The following METTL4 variants were observed in gnomAD, a reference collection of about 807,000 sequenced individuals.
METTL4 encodes N(6)-adenine-specific methyltransferase METTL4.
Under a neutral mutation model 54.0 loss-of-function variants are expected in METTL4, and 40 were observed. That is an observed-to-expected ratio of 0.74 (90% CI 0.58 to 0.96). METTL4 has a LOEUF of 0.96. Among genes scored for constraint, METTL4 ranks in the 50% least tolerant of loss-of-function variants. METTL4 has a pLI of 0.00. For missense variants in METTL4, 525 were observed against 549.0 expected (o/e 0.96, Z 0.44); for synonymous variants, 169 against 183.8 (o/e 0.92, Z 0.65).
Position 2,538,497 on chromosome 18 carries a change from CCAA to C in METTL4, c.*500_*502del, listed in dbSNP as rs1328051695. 2.0e-5 allele frequency: 3 copies of C among 153,488 alleles called. No homozygotes were observed. The highest frequency in any genetic ancestry group is 4.3e-5 in the Non-Finnish European group (3 of 69,008). The allele number at this position is 153,488 out of a possible 1,614,324, so 9.5% of individuals were successfully genotyped here. A position where few individuals can be genotyped will look rare whatever the true frequency, so the allele number is the denominator to read the frequency against. On this transcript the variant is annotated 3_prime_UTR_variant, in exon 9 of 9. Coordinates refer to ENST00000574538, the MANE Select transcript of METTL4 (RefSeq NM_022840.5). ...CAAAGTGGAGAGCACAAGGCTCTTC[CCAA>C]GTGAGCCACCACCGCTTGGTCCTGC...
rs1002764577 is a variant in METTL4, at chr18:2,537,871, A to C, written c.*1129T>G. 1.8e-5 allele frequency: 7 copies of C among 398,450 alleles called. No homozygotes were observed. The highest frequency in any genetic ancestry group is 1.4e-4 in the African/African-American group (7 of 48,646). 24.7% of individuals were successfully genotyped at this position (398,450 alleles called of 1,614,324 possible). ...AAATTCTCAAACAGCAGAACTAATGATAGAAAGCAAACCAGTGTTTGCCAG... is the reference window on the plus strand; with the variant it reads ...AAATTCTCAAACAGCAGAACTAATGCTAGAAAGCAAACCAGTGTTTGCCAG... On this transcript the variant is annotated 3_prime_UTR_variant, in exon 9 of 9. Coordinates refer to ENST00000574538, the MANE Select transcript of METTL4 (RefSeq NM_022840.5).
intron 5 of METTL4, among the ~76,000 whole-genome samples, chr18:2,548,315 CATT>C (rs1299140286): frequency 6.6e-6 from 1 of 152,074 alleles, no homozygotes; most frequent in Non-Finnish European, 1.5e-5. Context: ...GGGGAGAAGT[CATT>C]ATTCTCCTGG....
At chr18:2,542,383 A>T (rs1000397669) in intron 8 of METTL4, among the ~76,000 whole-genome samples, 1 of 126,738 alleles carries the variant, frequency 7.9e-6, no homozygotes, top group Non-Finnish European at 1.6e-5. Context: ...CAGTCCCCAG[A>T]GTGTGATGTT....
intron 8 of METTL4, chr18:2,540,789 GT>G: frequency 7.1e-6 from 7 of 985,384 alleles, no homozygotes; most frequent in Non-Finnish European, 8.4e-6. Context: ...GTGGTCTCAG[GT>G]TACGCTGAAG....
At chr18:2,548,262 C>T (rs1337770363) in intron 5 of METTL4, among the ~76,000 whole-genome samples, 4 of 152,074 alleles carry the variant, frequency 2.6e-5, no homozygotes, top group Non-Finnish European at 2.9e-5. Flanking sequence ...CTCTACAATA[C>T]TCAATCAAAT....
At chr18:2,540,059 C>T in intron 8 of METTL4, 9 of 978,014 alleles carry the variant, frequency 9.2e-6, no homozygotes, top group Non-Finnish European at 1.1e-5. Context: ...CATGGTACTT[C>T]CACAGTTAAG....
rs763760812 is a variant in METTL4 at position 2,539,107 on chromosome 18, A to G, written c.1312T>C (p.Leu438=). 7.4e-6 allele frequency: 12 copies of G among 1,613,880 alleles called. No homozygotes were observed. The highest frequency in any genetic ancestry group is 5.0e-5 in the Admixed American group (3 of 60,004). ...KDYIKPDGEY[L]ELFARNLQPG... The stretch of plus-strand genomic sequence containing the variant: ...TGTAAATTTCGAGCAAACAACTCCA[A>G]ATATTCCCCATCTGGCTTGATGTAG... The change falls in exon 9 of 9, where the codon TTG becomes CTG. Residue 438 remains leucine (L), a synonymous_variant. Coordinates refer to ENST00000574538, the MANE Select transcript of METTL4 (RefSeq NM_022840.5).
intron 4 of METTL4, chr18:2,553,402 A>T (rs564057446): frequency 6.6e-6 from 1 of 152,268 alleles, no homozygotes; most frequent in African/African-American, 2.4e-5. Flanking sequence ...TTTTTGCAAG[A>T]GGACCACCAA....
At chr18:2,540,359 G>A (rs780881952) in intron 8 of METTL4, 20 of 978,398 alleles carry the variant, frequency 2.0e-5, no homozygotes, top group East Asian at 2.3e-4. Context: ...GTAAGATTGC[G>A]CTTGGAAGAA....
intron 2 of METTL4, among the ~76,000 whole-genome samples, chr18:2,566,499 A>G (rs2072420167): frequency 6.6e-6 from 1 of 152,182 alleles, no homozygotes; most frequent in Non-Finnish European, 1.5e-5. Context: ...CAAATGCCTA[A>G]TCAAGAAAAG....
intron 5 of METTL4, among the ~76,000 whole-genome samples, chr18:2,550,994 C>G (rs2072148190): frequency 6.6e-6 from 1 of 151,456 alleles, no homozygotes; most frequent in Non-Finnish European, 1.5e-5. Flanking sequence ...GAAACCCCGT[C>G]TCTACTAAAA....
chr18:2,544,601 A>G, intron 7 of METTL4, 52 bp downstream of exon 7: 2 of 1,147,578 alleles, frequency 1.7e-6, no homozygotes, highest in Admixed American at 2.2e-5. Context: ...ATCATTTTTA[A>G]AAGCGTAAAA....
intron 2 of METTL4, 126 bp downstream of exon 2, chr18:2,566,695 A>G (rs1446311668): frequency 2.9e-6 from 2 of 694,126 alleles, no homozygotes; most frequent in Non-Finnish European, 4.3e-6. Context: ...CAGATATGCT[A>G]AAGCCTTTTT....
At chr18:2,559,694 C>T (rs979621494) in intron 3 of METTL4, among the ~76,000 whole-genome samples, 1 of 152,168 alleles carries the variant, frequency 6.6e-6, no homozygotes, top group Non-Finnish European at 1.5e-5. Flanking sequence ...TGACTTCATG[C>T]TAACAAATTT....
At chr18:2,541,985 A>G (rs917332022) in intron 8 of METTL4, among the ~76,000 whole-genome samples, 2 of 152,146 alleles carry the variant, frequency 1.3e-5, no homozygotes, top group Non-Finnish European at 2.9e-5. Flanking sequence ...CAGTAACATG[A>G]ACTCAAAAAT....
chr18:2,557,101 C>G (rs150763942), intron 3 of METTL4, among the ~76,000 whole-genome samples: 1 of 151,878 alleles, frequency 6.6e-6, no homozygotes, highest in Non-Finnish European at 1.5e-5. Flanking sequence ...AGAATCTGAG[C>G]AGAGCCTGGA....
intron 3 of METTL4, among the ~76,000 whole-genome samples, chr18:2,556,610 G>A (rs981930013): frequency 2.0e-5 from 3 of 151,966 alleles, no homozygotes; most frequent in African/African-American, 7.3e-5. Context: ...AGGTTTACTT[G>A]CAGTCCAAAT....
At chr18:2,565,709 AC>A (rs749179317) in intron 2 of METTL4, among the ~76,000 whole-genome samples, 2 of 152,210 alleles carry the variant, frequency 1.3e-5, no homozygotes, top group East Asian at 3.8e-4. Flanking sequence ...CACTCTGCAT[AC>A]AATGGCACAT....
chr18:2,571,500 G>C lies in METTL4; in HGVS notation c.-790C>G, dbSNP rs1002235177. The stretch of plus-strand genomic sequence containing the variant: ...GCAGCCTTCCAGCGACGAGGCGGTC[G>C]CATGGAAGTTACTGCGCGCGTCGTG... On this transcript the variant is annotated 5_prime_UTR_variant, in exon 1 of 9. Coordinates refer to ENST00000574538, the MANE Select transcript of METTL4 (RefSeq NM_022840.5). The C allele has an allele frequency of 6.6e-6, 1 of 152,238 alleles. No individual in the cohort carries two copies. Among genetic ancestry groups the C allele is most frequent in the Non-Finnish European group, 1.5e-5 (1 of 68,040 alleles). The allele number at this position is 152,238 out of a possible 1,614,324, so 9.4% of individuals were successfully genotyped here.
Sources: allele counts gnomAD v4.1 joint callset (sites outside exome capture counted in the v4.1 genomes callset), GRCh38; gene constraint gnomAD v4.1.1; transcripts MANE v1.5; gene names NCBI Gene and HGNC (gene_info 2026-07-23, HGNC 2026-07-21).